The following RAB5A variants were observed in gnomAD, a reference collection of about 807,000 sequenced individuals.
RAB5A encodes the protein ras-related protein Rab-5A.
In RAB5A, 8 loss-of-function variants were observed where a neutral mutation model predicts 25.7. The observed-to-expected ratio is 0.31, with a 90% CI of 0.18 to 0.56. The LOEUF is 0.56. Among genes scored for constraint, RAB5A ranks in the 20% least tolerant of loss-of-function variants. The pLI is 0.91. For synonymous variants in RAB5A, 98 were observed against 89.8 expected (o/e 1.09, Z -0.52); for missense variants, 192 against 259.7 (o/e 0.74, Z 1.79).
chr3:19,960,928 A>G (rs1478951913), intron 2 of RAB5A, among the ~76,000 whole-genome samples: 2 of 152,226 alleles, frequency 1.3e-5, no homozygotes, highest in African/African-American at 2.4e-5. Context: ...TAGTCACTGC[A>G]TAATTATCAG....
chr3:19,971,455 C>CGGT (rs563319679), intron 2 of RAB5A, among the ~76,000 whole-genome samples: 60 of 151,632 alleles, frequency 4.0e-4, no homozygotes, highest in East Asian at 1.6e-3. Context: ...AACAGTAGTA[C>CGGT]GGTGGTGGTG....
chr3:19,965,094 G>A (rs1044373672), intron 2 of RAB5A, among the ~76,000 whole-genome samples: 1 of 151,886 alleles, frequency 6.6e-6, no homozygotes, highest in Non-Finnish European at 1.5e-5. Context: ...ACTAATTTTT[G>A]TATTTTTAGT....
intron 2 of RAB5A, among the ~76,000 whole-genome samples, chr3:19,975,307 A>G (rs571662163): frequency 6.6e-6 from 1 of 152,262 alleles, no homozygotes; most frequent in South Asian, 2.1e-4. Context: ...AAGTTTTTCA[A>G]TCTGTGATTT....
chr3:19,961,618 G>A lies in RAB5A; in HGVS notation c.163+10557G>A, dbSNP rs188544814. Among the ~76,000 whole-genome samples, 127 of 152,162 alleles carry A rather than the reference G, an allele frequency of 8.3e-4. 1 individual carries two copies. Among genetic ancestry groups the A allele is most frequent in the African/African-American group, 3.0e-3 (123 of 41,522 alleles). ...TTTATGCCATCATCATGTGTCACACGCTATATTTTAACTGCCTTTAATCAA... is the reference window on the plus strand; with the variant it reads ...TTTATGCCATCATCATGTGTCACACACTATATTTTAACTGCCTTTAATCAA... On this transcript the variant is annotated intron_variant, in intron 2 of 5. Coordinates refer to ENST00000273047, the MANE Select transcript of RAB5A (RefSeq NM_004162.5).
rs1295063245 is a variant in RAB5A at position 19,984,725 on chromosome 3, T to A, written c.*902T>A. On this transcript the variant is annotated 3_prime_UTR_variant, in exon 6 of 6. Transcript: ENST00000273047. ...TTCAGCTGTACTGTAAATAGGGTAC[T>A]GCATTGTAGTCTCCATATCTGTATT... The A allele has an allele frequency of 6.5e-6, 1 of 153,760 alleles. No individual in the cohort carries two copies. Among genetic ancestry groups the A allele is most frequent in the African/African-American group, 2.4e-5 (1 of 41,458 alleles). 9.5% of individuals were successfully genotyped at this position (153,760 alleles called of 1,614,324 possible).
intron 1 of RAB5A, among the ~76,000 whole-genome samples, chr3:19,950,122 G>A (rs1223233672): frequency 6.6e-6 from 1 of 152,206 alleles, no homozygotes; most frequent in Non-Finnish European, 1.5e-5. Flanking sequence ...AAATAAGTCA[G>A]TAATAATCAC....
intron 2 of RAB5A, among the ~76,000 whole-genome samples, chr3:19,959,210 G>A (rs1229909563): frequency 6.6e-6 from 1 of 151,990 alleles, no homozygotes; most frequent in Non-Finnish European, 1.5e-5. Context: ...GCTTTTATTT[G>A]TTATATATGG....
At chr3:19,954,843 T>A (rs1456851235) in intron 2 of RAB5A, among the ~76,000 whole-genome samples, 1 of 152,100 alleles carries the variant, frequency 6.6e-6, no homozygotes, top group Non-Finnish European at 1.5e-5. Flanking sequence ...AAAGAATCCC[T>A]GTTGCCTCAC....
chr3:19,963,784 A>G (rs921894253), intron 2 of RAB5A, among the ~76,000 whole-genome samples: 1 of 151,942 alleles, frequency 6.6e-6, no homozygotes, highest in African/African-American at 2.4e-5. Flanking sequence ...AGATGGTACT[A>G]CGTGTGCATG....
intron 2 of RAB5A, among the ~76,000 whole-genome samples, chr3:19,969,147 C>T (rs1481043711): frequency 2.0e-5 from 3 of 147,282 alleles, no homozygotes; most frequent in African/African-American, 4.9e-5. Flanking sequence ...TGGGTTCAAG[C>T]GGTTTTCCTG....
Position 19,984,093 on chromosome 3 carries a change from C to A in RAB5A, c.*270C>A. The A allele has an allele frequency of 2.4e-6, 1 of 415,822 alleles. No individual in the cohort carries two copies. The highest frequency in any genetic ancestry group is 4.5e-6 in the Non-Finnish European group (1 of 224,078). The allele number at this position is 415,822 out of a possible 1,614,324, so 25.8% of individuals were successfully genotyped here. On this transcript the variant is annotated 3_prime_UTR_variant, in exon 6 of 6. Transcript: ENST00000273047. ...GGTTAGGGGGAATAATTTCTCATCA[C>A]TAGGAATATAGACAAATGACTGTCT...
chr3:19,970,781 A>G (rs551718765), intron 2 of RAB5A: 4 of 299,126 alleles, frequency 1.3e-5, no homozygotes, highest in Non-Finnish European at 2.7e-5. Context: ...TTTCAGTGGC[A>G]GAATTTGTTT....
rs369850660 is a variant in RAB5A, at chr3:19,980,256, C to A, written c.532+1853C>A. ...AAACCTTTCTCACAATATTTAAACT[C>A]TACCAGATGGGCTTTAGTTTGTACC... On this transcript the variant is annotated intron_variant, in intron 5 of 5. Coordinates refer to ENST00000273047, the MANE Select transcript of RAB5A (RefSeq NM_004162.5). The A allele has an allele frequency of 5.9e-5, 9 of 152,190 alleles. No homozygotes were observed. The East Asian group carries it at 9.6e-4, about 16-fold the overall frequency. The allele number at this position is 152,190 out of a possible 1,614,324, so 9.4% of individuals were successfully genotyped here.
At chr3:19,971,055 G>C (rs1296156737) in intron 2 of RAB5A, among the ~76,000 whole-genome samples, 1 of 152,006 alleles carries the variant, frequency 6.6e-6, no homozygotes, top group African/African-American at 2.4e-5. Flanking sequence ...AAATTAGCCA[G>C]ACGTGGTGGT....
intron 2 of RAB5A, among the ~76,000 whole-genome samples, chr3:19,967,673 A>T (rs1696680416): frequency 6.6e-6 from 1 of 151,830 alleles, no homozygotes; most frequent in African/African-American, 2.4e-5. Flanking sequence ...AGGCTTTTGG[A>T]ATATTCTCTT....
chr3:19,977,110 T>TGCCCAG (rs1271920611), intron 4 of RAB5A, among the ~76,000 whole-genome samples: 2 of 151,950 alleles, frequency 1.3e-5, no homozygotes, highest in Non-Finnish European at 2.9e-5. Context: ...CTTGCTCAGT[T>TGCCCAG]GCCCAGGCTG....
At chr3:19,974,722 G>GAAAAAAA (rs151258629) in intron 2 of RAB5A, among the ~76,000 whole-genome samples, 3 of 141,910 alleles carry the variant, frequency 2.1e-5, no homozygotes, top group Non-Finnish European at 3.0e-5. Flanking sequence ...CTGTGTCTCA[G>GAAAAAAA]AAAAAGAAAA....
At chr3:19,976,423 C>T (rs1003949456) in intron 4 of RAB5A, among the ~76,000 whole-genome samples, 20 of 152,298 alleles carry the variant, frequency 1.3e-4, no homozygotes, top group African/African-American at 2.9e-4. Context: ...CAGTGGCTCA[C>T]GCCTGTAATC....
intron 2 of RAB5A, among the ~76,000 whole-genome samples, chr3:19,956,886 C>T (rs759235155): frequency 1.9e-4 from 28 of 150,972 alleles, no homozygotes; most frequent in Non-Finnish European, 3.4e-4. Flanking sequence ...GCTGTTACAC[C>T]TAGTGCATAG....
Sources: allele counts gnomAD v4.1 joint callset (sites outside exome capture counted in the v4.1 genomes callset), GRCh38; gene constraint gnomAD v4.1.1; transcripts MANE v1.5; gene names NCBI Gene and HGNC (gene_info 2026-07-23, HGNC 2026-07-21).